The following OR51B5 variants were observed in gnomAD, a reference collection of about 807,000 sequenced individuals.
OR51B5 encodes the protein olfactory receptor family 51 subfamily B member 5.
For synonymous variants in OR51B5, 186 were observed against 144.8 expected (o/e 1.28, Z -2.04); for missense variants, 456 against 374.6 (o/e 1.22, Z -1.79).
At chr11:5,490,326 C>T (rs971472048) in intron 1 of OR51B5, among the ~76,000 whole-genome samples, 3 of 152,154 alleles carry the variant, frequency 2.0e-5, no homozygotes, top group Admixed American at 1.3e-4. Flanking sequence ...AGTAAAGACA[C>T]TTATATAAAA....
downstream of OR51B5, among the ~76,000 whole-genome samples, chr11:5,342,198 A>G: frequency 6.6e-6 from 1 of 152,194 alleles, no homozygotes; most frequent in Admixed American, 6.5e-5. Context: ...GACATAGTAA[A>G]CCAAACTCTA....
At chr11:5,404,121 G>A (rs1168898209) in intron 1 of OR51B5, among the ~76,000 whole-genome samples, 2 of 135,868 alleles carry the variant, frequency 1.5e-5, no homozygotes, top group Non-Finnish European at 3.2e-5. Context: ...GTTGTGAGAG[G>A]TGAAGCCAGC....
intron 1 of OR51B5, chr11:5,422,046 T>C (rs1236437606): frequency 6.4e-6 from 4 of 627,648 alleles, no homozygotes. Flanking sequence ...ATATCATATA[T>C]CACAATGTTC....
rs757159468 is a variant in OR51B5 at position 5,342,696 on chromosome 11, C to T, written c.829G>A (p.Ala277Thr). 6.4e-5 allele frequency: 104 copies of T among 1,613,786 alleles called. No individual in the cohort carries two copies. Among genetic ancestry groups the T allele is most frequent in the Middle Eastern group, 1.6e-4 (1 of 6,084 alleles). ...ATTAGTGGAGGGAACAGAAAATAGG[C>T]ATAGCTCATAATGAGGTGAACAATA... Residue 277 changes from alanine (A) to threonine (T), a missense_variant, in exon 1 of 1, where the codon GCC becomes ACC. Transcript: ENST00000300773.
At chr11:5,351,856 G>C in intron 1 of OR51B5, 1 of 1,613,724 alleles carries the variant, frequency 6.2e-7, no homozygotes, top group Non-Finnish European at 8.5e-7. Context: ...GCTTGCCATG[G>C]CTTATGACTG....
chr11:5,362,626 G>T, intron 1 of OR51B5: 1 of 177,564 alleles, frequency 5.6e-6, no homozygotes, highest in South Asian at 1.5e-4. Flanking sequence ...TGGAGCTCAA[G>T]GCCATGAGCA....
chr11:5,458,828 G>A (rs1164060138), intron 1 of OR51B5, among the ~76,000 whole-genome samples: 1 of 152,156 alleles, frequency 6.6e-6, no homozygotes, highest in Non-Finnish European at 1.5e-5. Context: ...CGCTGAAATT[G>A]TTTATCAGAT....
At chr11:5,358,217 A>G (rs1349779120) in intron 1 of OR51B5, among the ~76,000 whole-genome samples, 1 of 152,194 alleles carries the variant, frequency 6.6e-6, no homozygotes, top group Non-Finnish European at 1.5e-5. Context: ...GGTTTTTCAA[A>G]AAGATCAACA....
intron 1 of OR51B5, among the ~76,000 whole-genome samples, chr11:5,491,353 T>A (rs1851578609): frequency 6.6e-6 from 1 of 152,218 alleles, no homozygotes; most frequent in African/African-American, 2.4e-5. Flanking sequence ...AGGGTAAGTG[T>A]CAGCTGTGGC....
intron 1 of OR51B5, among the ~76,000 whole-genome samples, chr11:5,487,487 C>A: frequency 6.6e-6 from 1 of 152,090 alleles, no homozygotes; most frequent in South Asian, 2.1e-4. Context: ...CATTCATTGC[C>A]CTTTCTAAAT....
chr11:5,346,463 C>G (rs1848991976), upstream of OR51B5: 2 of 148,910 alleles, frequency 1.3e-5, no homozygotes, highest in South Asian at 2.1e-4. Flanking sequence ...TATAATGGAA[C>G]ACCTAGAAAA....
chr11:5,378,648 A>G (rs1358652721), intron 1 of OR51B5, among the ~76,000 whole-genome samples: 1 of 152,252 alleles, frequency 6.6e-6, no homozygotes, highest in African/African-American at 2.4e-5. Flanking sequence ...ACAAGTGGGC[A>G]AAGGATATGA....
At chr11:5,342,916 A>T (rs758694170) in exon 1 of OR51B5, 1 of 1,613,978 alleles carries the variant, frequency 6.2e-7, no homozygotes, top group Admixed American at 1.7e-5. Context: ...GCACAAATAT[A>T]AAGACTACAA....
In OR51B5 at chr11:5,454,314, A is replaced by G. The variant is rs990596273; in HGVS notation, n.84+51255T>C. ...TGTCCCATGCTACATACATGTCCTC[A>G]TGTCAAATGTGTACCTATTTGTGCC... On this transcript the variant is annotated intron_variant and non_coding_transcript_variant, in intron 1 of 4. Transcript: ENST00000415970. The G allele has an allele frequency of 1.9e-6, 3 of 1,614,026 alleles. No individual in the cohort carries two copies. The African/African-American group carries it at 4.0e-5, about 22-fold the overall frequency.
intron 1 of OR51B5, among the ~76,000 whole-genome samples, chr11:5,470,303 C>T (rs1029044743): frequency 3.9e-5 from 6 of 152,196 alleles, no homozygotes; most frequent in Non-Finnish European, 8.8e-5. Context: ...ATTATCACTT[C>T]TTCCCCCCGA....
At position 5,447,430 on chromosome 11, in the gene OR51B5, T is replaced by G. The variant is rs187051731; in HGVS notation, n.84+58139A>C. Among the ~76,000 whole-genome samples, 135 of 152,306 alleles carry G rather than the reference T, an allele frequency of 8.9e-4. 1 individual carries two copies. The highest frequency in any genetic ancestry group is 3.2e-3 in the African/African-American group (131 of 41,564). ...AGTAACCCCACCTTTGGCTTTCCAG[T>G]CTATAGGTGGTAGTAGCTTCCTGCT... On this transcript the variant is annotated intron_variant and non_coding_transcript_variant, in intron 1 of 4. Transcript: ENST00000415970.
chr11:5,469,261 C>T (rs1178324577), intron 1 of OR51B5: 1 of 156,406 alleles, frequency 6.4e-6, no homozygotes, highest in Admixed American at 6.4e-5. Flanking sequence ...GCAAGCTCTG[C>T]TCTTCCTTTA....
At position 5,353,980 on chromosome 11, in the gene OR51B5, C is replaced by T. The variant is rs547766367; in HGVS notation, n.85-7070G>A. Among the ~76,000 whole-genome samples the T allele has an allele frequency of 6.1e-3, 588 of 96,876 alleles. 3 individuals carry two copies. The highest frequency in any genetic ancestry group is 0.02 in the African/African-American group (556 of 27,510). 63.6% of individuals were successfully genotyped at this position (96,876 alleles called of 152,430 possible). A position where few individuals can be genotyped will look rare whatever the true frequency, so the allele number is the denominator to read the frequency against. On this transcript the variant is annotated intron_variant and non_coding_transcript_variant, in intron 1 of 4. Coordinates refer to the OR51B5 transcript ENST00000415970. ...TCAACTTGGCTGTGTGTGAAATTTG[C>T]CTTTCTCTTTTGTAGCTTCTTGACT...
In OR51B5 at chr11:5,370,853, G is replaced by A. The variant is rs149850830; in HGVS notation, n.85-23943C>T. Among the ~76,000 whole-genome samples, 357 of 152,264 alleles carry A rather than the reference G, an allele frequency of 2.3e-3. 1 individual carries two copies. The highest frequency in any genetic ancestry group is 4.1e-3 in the Non-Finnish European group (276 of 68,012). ...TTATGTAAGCTAGTGTGACAAATGC[G>A]GGTTCTGAGAGGAGGTAATATTTCA... On this transcript the variant is annotated intron_variant and non_coding_transcript_variant, in intron 1 of 4. Coordinates refer to the OR51B5 transcript ENST00000415970.
Sources: gnomAD v4.1 joint callset for allele counts (sites outside exome capture counted in the v4.1 genomes callset) on GRCh38, gnomAD v4.1.1 for gene constraint, MANE v1.5 for transcripts, NCBI Gene and HGNC (gene_info 2026-07-23, HGNC 2026-07-21) for gene names.